CDH6: variants seen among roughly 807,000 people sequenced by gnomAD.
CDH6 encodes cadherin 6.
CDH6 carries 31 observed loss-of-function variants against 78.0 expected under a neutral mutation model. The ratio of observed to expected loss-of-function variants is 0.40; its 90% CI spans 0.30 to 0.54. The LOEUF (loss-of-function observed/expected upper bound fraction) is 0.54, where lower values mean the gene tolerates loss of function less well. Ranked by LOEUF, CDH6 falls within the 20% of genes least tolerant of loss-of-function variation. CDH6 has a pLI of 0.56. For synonymous variants in CDH6, 376 were observed against 368.8 expected (o/e 1.02, Z -0.23); for missense variants, 724 against 975.9 (o/e 0.74, Z 3.44).
At chr5:31,258,499 C>T (rs1178695156) in intron 1 of CDH6, among the ~76,000 whole-genome samples, 1 of 151,972 alleles carries the variant, frequency 6.6e-6, no homozygotes, top group African/African-American at 2.4e-5. Context: ...GGGTGAGGGG[C>T]TAGGGGAGGG....
rs1738623503 is a variant in CDH6, at chr5:31,326,272, T to C, written c.*2964T>C. ...TGAGAGCTTTCTGATGATATGTTTT[T>C]GCCCTCTATTCAAAAGCAAGAGTTC... On this transcript the variant is annotated 3_prime_UTR_variant, in exon 12 of 12. Transcript: ENST00000265071. 9.1e-6 allele frequency: 2 copies of C among 220,938 alleles called. No homozygotes were observed. The highest frequency in any genetic ancestry group is 1.8e-5 in the Non-Finnish European group (2 of 110,336). 13.7% of individuals were successfully genotyped at this position (220,938 alleles called of 1,614,324 possible).
At chr5:31,305,908 G>A (rs1382433791) in intron 7 of CDH6, among the ~76,000 whole-genome samples, 1 of 152,032 alleles carries the variant, frequency 6.6e-6, no homozygotes, top group African/African-American at 2.4e-5. Context: ...TGCAGAACCT[G>A]TGGATACACA....
chr5:31,204,838 C>A (rs1740469571), intron 1 of CDH6, among the ~76,000 whole-genome samples: 1 of 151,616 alleles, frequency 6.6e-6, no homozygotes, highest in Non-Finnish European at 1.5e-5. Context: ...ACTCCACAAT[C>A]AAAAAAAAGC....
intron 1 of CDH6, among the ~76,000 whole-genome samples, chr5:31,214,823 G>A (rs554954811): frequency 1.3e-5 from 2 of 152,142 alleles, no homozygotes; most frequent in Admixed American, 6.5e-5. Flanking sequence ...TTGAACCTTC[G>A]ATGTAAAAAG....
intron 7 of CDH6, among the ~76,000 whole-genome samples, chr5:31,311,284 G>C (rs1356729493): frequency 6.6e-6 from 1 of 152,172 alleles, no homozygotes. Flanking sequence ...CTCTTTGCTA[G>C]AGCAAAGCAA....
chr5:31,203,467 A>C (rs897089160), intron 1 of CDH6, among the ~76,000 whole-genome samples: 3 of 129,110 alleles, frequency 2.3e-5, no homozygotes, highest in Non-Finnish European at 4.7e-5. Context: ...CTCATTGTTC[A>C]ATTCCCACCT....
intron 2 of CDH6, among the ~76,000 whole-genome samples, chr5:31,284,110 C>A (rs142682814): frequency 7.2e-4 from 110 of 152,272 alleles, no homozygotes; most frequent in African/African-American, 2.6e-3. Context: ...CCACCGTGCC[C>A]AGCCCTATTT....
chr5:31,265,011 T>C (rs1742303371), intron 1 of CDH6, among the ~76,000 whole-genome samples: 1 of 152,200 alleles, frequency 6.6e-6, no homozygotes, highest in African/African-American at 2.4e-5. Context: ...ACCTCCATTC[T>C]CTGCATCCCT....
chr5:31,317,416 T>C lies in CDH6; in HGVS notation c.1554T>C (p.Tyr518=), dbSNP rs1738354739. ...TLHAVDKDDP[Y]SGHQFSFSLA... ...ATGCTGTTGACAAGGATGACCCTTA[T>C]AGTGGACACCAATTTTCGTTTTCCT... The change falls in exon 10 of 12, where the codon TAT becomes TAC. Residue 518 remains tyrosine (Y), a synonymous_variant. Transcript: ENST00000265071. The C allele has an allele frequency of 4.3e-6, 7 of 1,610,434 alleles. No individual in the cohort carries two copies. Among genetic ancestry groups the C allele is most frequent in the South Asian group, 2.2e-5 (2 of 90,986 alleles).
intron 1 of CDH6, among the ~76,000 whole-genome samples, chr5:31,229,152 G>C (rs1741245618): frequency 1.3e-5 from 2 of 152,102 alleles, no homozygotes; most frequent in Admixed American, 6.6e-5. Flanking sequence ...CAGCCCTCAA[G>C]CTCTACCCGA....
intron 1 of CDH6, among the ~76,000 whole-genome samples, chr5:31,229,928 A>G (rs79065398): frequency 0.038 from 5,800 of 152,262 alleles, 254 homozygotes; most frequent in East Asian, 0.14. Context: ...TGGTATGACA[A>G]TTAAGATTGA....
chr5:31,198,685 G>A (rs554471678), intron 1 of CDH6, among the ~76,000 whole-genome samples: 13 of 152,226 alleles, frequency 8.5e-5, no homozygotes, highest in South Asian at 2.1e-4. Context: ...AGATGAGGAC[G>A]TAAATTTTTA....
chr5:31,322,010 A>G (rs373950264), intron 11 of CDH6, among the ~76,000 whole-genome samples: 1 of 152,212 alleles, frequency 6.6e-6, no homozygotes, highest in East Asian at 1.9e-4. Context: ...TTCTTGTTTT[A>G]CCTCTAATTT....
intron 1 of CDH6, among the ~76,000 whole-genome samples, chr5:31,257,508 T>C (rs1742090392): frequency 6.6e-6 from 1 of 152,212 alleles, no homozygotes; most frequent in South Asian, 2.1e-4. Flanking sequence ...AATTCACGCA[T>C]TTAGTCATTC....
At chr5:31,250,820 G>T in intron 1 of CDH6, 1 of 153,156 alleles carries the variant, frequency 6.5e-6, no homozygotes, top group Non-Finnish European at 1.5e-5. Flanking sequence ...AGCCATCTCA[G>T]CCACTCGAGC....
At chr5:31,212,624 T>G (rs1299464783) in intron 1 of CDH6, among the ~76,000 whole-genome samples, 1 of 152,186 alleles carries the variant, frequency 6.6e-6, no homozygotes. Context: ...GTAAAATCTG[T>G]GAAGAAGTTT....
chr5:31,198,287 C>A (rs1391362694), intron 1 of CDH6, among the ~76,000 whole-genome samples: 1 of 152,130 alleles, frequency 6.6e-6, no homozygotes, highest in Admixed American at 6.6e-5. Flanking sequence ...ACACTAACAC[C>A]ATTGGGTGCT....
chr5:31,294,135 G>T lies in CDH6; in HGVS notation c.402G>T (p.Arg134Ser). The T allele has an allele frequency of 6.2e-7, 1 of 1,613,834 alleles. No individual in the cohort carries two copies. Among genetic ancestry groups the T allele is most frequent in the African/African-American group, 1.3e-5 (1 of 74,942 alleles). Residue 134 changes from arginine to serine, a missense_variant, in exon 3 of 12, where the codon AGG (arginine) becomes AGT (serine). This residue lies in a region of CDH6 where 446 missense variants were observed against 684.5 expected (regional missense o/e 0.65). Transcript: ENST00000265071. This position sits in a 1 kb window ranked among gnomAD's most constrained non-coding sequence, Gnocchi z 4.1. ...TTCGAGCTCAAGCTATAAACAGAAG[G>T]ACAGGGAGACCCGTGGAGCCCGAGT... ...YILRAQAINR[R>S]TGRPVEPESE...
In CDH6 at chr5:31,203,494, G is replaced by A. The variant is rs577029355; in HGVS notation, c.-129+9608G>A. ...TTCCCACCTATGAGTGAGAATATGC[G>A]GTGTTTGGTTTTTTGTTCTTGCGAC... On this transcript the variant is annotated intron_variant, in intron 1 of 11. Coordinates refer to ENST00000265071, the MANE Select transcript of CDH6 (RefSeq NM_004932.4). Among the ~76,000 whole-genome samples the A allele has an allele frequency of 4.0e-3, 541 of 135,800 alleles. 6 individuals are homozygous for A. Among genetic ancestry groups the A allele is most frequent in the African/African-American group, 0.013 (479 of 36,132 alleles). 89.1% of individuals were successfully genotyped at this position (135,800 alleles called of 152,430 possible). A position where few individuals can be genotyped will look rare whatever the true frequency, so the allele number is the denominator to read the frequency against.
Sources: allele counts gnomAD v4.1 joint callset (sites outside exome capture counted in the v4.1 genomes callset), GRCh38; gene constraint gnomAD v4.1.1; regional missense constraint gnomAD v4.1.1; non-coding constraint Gnocchi (gnomAD v3.1); transcripts MANE v1.5; gene names NCBI Gene and HGNC (gene_info 2026-07-23, HGNC 2026-07-21).